FRMD4A: variants seen among roughly 807,000 people sequenced by gnomAD.
FRMD4A encodes the protein FERM domain-containing protein 4A.
FRMD4A carries 29 observed loss-of-function variants against 129.1 expected under a neutral mutation model. The observed-to-expected ratio is 0.22, with a 90% CI of 0.17 to 0.31. FRMD4A has a LOEUF of 0.31. FRMD4A is among the 10% of genes least tolerant of loss of function. The pLI is 1.00. For synonymous variants in FRMD4A, 634 were observed against 571.6 expected, an observed-to-expected ratio of 1.11 and a Z score of -1.56; for missense variants, 1,272 against 1,375.8, an observed-to-expected ratio of 0.92 and a Z score of 1.19.
At chr10:13,656,093 A>G (rs1322000355) in intron 22 of FRMD4A, among the ~76,000 whole-genome samples, 5 of 152,196 alleles carry the variant, frequency 3.3e-5, no homozygotes, top group African/African-American at 1.2e-4. Context: ...TAACATCATC[A>G]TCGAAATGGG....
At chr10:13,969,384 G>A (rs559222838) in intron 2 of FRMD4A, among the ~76,000 whole-genome samples, 9 of 152,384 alleles carry the variant, frequency 5.9e-5, no homozygotes, top group Non-Finnish European at 1.3e-4. Flanking sequence ...CCTATCTGCT[G>A]CTGAGGACCT....
chr10:14,328,151 T>C (rs1843353012), intron 2 of FRMD4A, among the ~76,000 whole-genome samples: 1 of 152,112 alleles, frequency 6.6e-6, no homozygotes, highest in Non-Finnish European at 1.5e-5. Flanking sequence ...GGTTCTTTAA[T>C]CAAACGGTCC....
At chr10:14,050,228 C>G (rs1834194276) in intron 2 of FRMD4A, among the ~76,000 whole-genome samples, 1 of 152,206 alleles carries the variant, frequency 6.6e-6, no homozygotes, top group Non-Finnish European at 1.5e-5. Flanking sequence ...AGTGACTGCT[C>G]TCACTCACCA....
intron 2 of FRMD4A, among the ~76,000 whole-genome samples, chr10:14,315,705 T>G (rs747599652): frequency 1.3e-5 from 2 of 152,218 alleles, no homozygotes; most frequent in Non-Finnish European, 2.9e-5. Flanking sequence ...CTAAATTCCA[T>G]GACTTTTCAA....
At chr10:13,845,324 A>C (rs985508468) in intron 3 of FRMD4A, among the ~76,000 whole-genome samples, 1 of 152,188 alleles carries the variant, frequency 6.6e-6, no homozygotes, top group Admixed American at 6.5e-5. Flanking sequence ...TGAAAAGATC[A>C]GGGGATGATG....
intron 3 of FRMD4A, among the ~76,000 whole-genome samples, chr10:13,837,722 A>G (rs192630561): frequency 6.6e-6 from 1 of 152,338 alleles, no homozygotes; most frequent in East Asian, 1.9e-4. Context: ...TGAATATTGT[A>G]CCATCATGCA....
intron 2 of FRMD4A, among the ~76,000 whole-genome samples, chr10:13,926,809 A>G (rs1339982959): frequency 6.6e-6 from 1 of 152,210 alleles, no homozygotes. Flanking sequence ...AGACCCACAT[A>G]CTTTTAGAGC....
intron 3 of FRMD4A, among the ~76,000 whole-genome samples, chr10:13,831,869 A>C (rs1173697764): frequency 8.5e-5 from 13 of 152,140 alleles, no homozygotes; most frequent in Non-Finnish European, 1.8e-4. Context: ...GAGCTACTCC[A>C]AAATGGAGAC....
At position 13,701,273 on chromosome 10, in the gene FRMD4A, G is replaced by A. The variant is rs569807352; in HGVS notation, c.975+67C>T. On this transcript the variant is annotated intron_variant, in intron 14 of 24. Coordinates refer to ENST00000357447, the MANE Select transcript of FRMD4A (RefSeq NM_018027.5). ...GACATGGCGCCTCCCCCACCCATCC[G>A]ATCCTCATTCCTAAACTAAGAGAGG... 2.3e-4 allele frequency: 344 copies of A among 1,486,956 alleles called. 1 individual carries two copies. Among genetic ancestry groups the A allele is most frequent in the Non-Finnish European group, 2.9e-4 (308 of 1,077,794 alleles). The allele number at this position is 1,486,956 out of a possible 1,614,324, so 92.1% of individuals were successfully genotyped here.
At chr10:13,717,838 G>C (rs2088992007) in intron 12 of FRMD4A, among the ~76,000 whole-genome samples, 1 of 151,868 alleles carries the variant, frequency 6.6e-6, no homozygotes, top group African/African-American at 2.4e-5. Flanking sequence ...ACGGAAGATG[G>C]GGATGGGATA....
At chr10:14,321,878 C>G (rs897527572) in intron 2 of FRMD4A, among the ~76,000 whole-genome samples, 2 of 152,058 alleles carry the variant, frequency 1.3e-5, no homozygotes, top group Non-Finnish European at 2.9e-5. Context: ...GCGGACTTCT[C>G]CCTTGCTGTT....
At chr10:13,768,185 C>T (rs577182143) in intron 6 of FRMD4A, among the ~76,000 whole-genome samples, 48 of 152,084 alleles carry the variant, frequency 3.2e-4, no homozygotes, top group Non-Finnish European at 6.0e-4. Flanking sequence ...ACTGAACTGC[C>T]GAAGGAAGAG....
At chr10:13,800,522 AG>A (rs2093229769) in intron 4 of FRMD4A, among the ~76,000 whole-genome samples, 1 of 152,212 alleles carries the variant, frequency 6.6e-6, no homozygotes. Context: ...TCAAAGAATA[AG>A]GAGGACCTGA....
chr10:14,109,417 A>G (rs183247503), intron 2 of FRMD4A, among the ~76,000 whole-genome samples: 1 of 152,356 alleles, frequency 6.6e-6, no homozygotes, highest in African/African-American at 2.4e-5. Flanking sequence ...GAGAGTAGCA[A>G]AAGAATGTAA....
chr10:14,195,637 G>A (rs1308108262), intron 2 of FRMD4A, among the ~76,000 whole-genome samples: 1 of 152,168 alleles, frequency 6.6e-6, no homozygotes, highest in Non-Finnish European at 1.5e-5. Context: ...CCCGTTGCAG[G>A]GGGAATCAAG....
chr10:14,038,140 G>A (rs1210016152), intron 2 of FRMD4A, among the ~76,000 whole-genome samples: 1 of 152,146 alleles, frequency 6.6e-6, no homozygotes, highest in African/African-American at 2.4e-5. Context: ...GGCTAACACA[G>A]TGAAACCCCG....
chr10:13,876,336 C>T (rs917639268), intron 2 of FRMD4A, among the ~76,000 whole-genome samples: 1 of 152,214 alleles, frequency 6.6e-6, no homozygotes, highest in Admixed American at 6.5e-5. Context: ...ATTTTTACAA[C>T]GTTCACTCAG....
intron 6 of FRMD4A, among the ~76,000 whole-genome samples, chr10:13,778,008 G>T (rs78847694): frequency 0.015 from 2,204 of 151,858 alleles, 95 homozygotes; most frequent in South Asian, 0.12. Flanking sequence ...TCACCATGTT[G>T]GTCAGGCTGG....
intron 2 of FRMD4A, among the ~76,000 whole-genome samples, chr10:13,976,367 C>A (rs886669849): frequency 2.0e-5 from 3 of 152,140 alleles, no homozygotes; most frequent in African/African-American, 7.2e-5. Context: ...AAAGACAGGA[C>A]AGAAGAGGAG....
Sources: allele counts gnomAD v4.1 joint callset (sites outside exome capture counted in the v4.1 genomes callset), GRCh38; gene constraint gnomAD v4.1.1; transcripts MANE v1.5; gene names NCBI Gene and HGNC (gene_info 2026-07-23, HGNC 2026-07-21).